The following ZFAT variants were observed in gnomAD, a reference collection of about 807,000 sequenced individuals.
The protein encoded by ZFAT is zinc finger protein ZFAT.
In ZFAT, 64 loss-of-function variants were observed where a neutral mutation model predicts 117.7. The ratio of observed to expected loss-of-function variants is 0.54; its 90% CI spans 0.44 to 0.67. ZFAT has a LOEUF of 0.67. ZFAT is among the 30% of genes least tolerant of loss of function. The probability of loss-of-function intolerance (pLI) is 0.00; values close to 1 mark genes in which losing one functional copy is unlikely to be tolerated. For synonymous variants in ZFAT, 679 were observed against 615.0 expected (o/e 1.10, Z -1.54); for missense variants, 1,433 against 1,584.5 (o/e 0.90, Z 1.62).
chr8:134,479,344 C>T (rs946072758), intron 15 of ZFAT, among the ~76,000 whole-genome samples: 1 of 152,174 alleles, frequency 6.6e-6, no homozygotes, highest in Non-Finnish European at 1.5e-5. Context: ...CAGGGCTGGA[C>T]AGGAGAGCCT....
At chr8:134,662,898 G>T (rs904269240) in intron 1 of ZFAT, among the ~76,000 whole-genome samples, 32 of 152,246 alleles carry the variant, frequency 2.1e-4, no homozygotes, top group Non-Finnish European at 3.2e-4. Context: ...ACAGAGGACG[G>T]CTCAGAGGTT....
intron 13 of ZFAT, among the ~76,000 whole-genome samples, chr8:134,516,395 A>G (rs894071082): frequency 3.3e-5 from 5 of 152,256 alleles, no homozygotes; most frequent in Non-Finnish European, 5.9e-5. Flanking sequence ...TGCTAAACCC[A>G]TGACATCATT....
At chr8:134,486,480 AT>A (rs895456357) in intron 15 of ZFAT, among the ~76,000 whole-genome samples, 38 of 152,174 alleles carry the variant, frequency 2.5e-4, no homozygotes, top group African/African-American at 8.9e-4. Flanking sequence ...GTTCCTATTT[AT>A]TAAACCATGT....
intron 11 of ZFAT, among the ~76,000 whole-genome samples, chr8:134,549,711 C>T (rs1226140616): frequency 6.6e-6 from 1 of 152,188 alleles, no homozygotes; most frequent in African/African-American, 2.4e-5. Flanking sequence ...TCCTAAAGAA[C>T]ATTTGCACCT....
At chr8:134,650,275 G>A (rs565659904) in intron 2 of ZFAT, among the ~76,000 whole-genome samples, 3 of 151,446 alleles carry the variant, frequency 2.0e-5, no homozygotes, top group South Asian at 2.1e-4. Context: ...ACAGGCCCAC[G>A]TGCCACCACA....
At chr8:134,479,095 G>A (rs1817108251) in intron 15 of ZFAT, among the ~76,000 whole-genome samples, 1 of 152,154 alleles carries the variant, frequency 6.6e-6, no homozygotes, top group Non-Finnish European at 1.5e-5. Flanking sequence ...TCAGTGGTAG[G>A]GGTTGGCGGT....
chr8:134,747,411 T>G, the ZFAT span, among the ~76,000 whole-genome samples: 6 of 152,242 alleles, frequency 3.9e-5, no homozygotes, highest in Non-Finnish European at 8.8e-5. Context: ...TTAGAGTGTT[T>G]GAAAACCTTG....
intron 3 of ZFAT, among the ~76,000 whole-genome samples, chr8:134,620,376 G>A (rs935010999): frequency 3.9e-5 from 6 of 152,150 alleles, no homozygotes; most frequent in Non-Finnish European, 5.9e-5. Context: ...ACTCCAGCCC[G>A]AGAAGGCACG....
At chr8:134,799,047 AAAACAT>A in the ZFAT span, among the ~76,000 whole-genome samples, 542 of 152,298 alleles carry the variant, frequency 3.6e-3, 5 homozygotes, top group African/African-American at 0.012. Flanking sequence ...GGAGCTCACT[AAAACAT>A]AGTATGCTAT....
Position 134,532,423 on chromosome 8 carries a change from G to C in ZFAT, c.3115+411C>G, listed in dbSNP as rs189399731. Reference sequence around the variant, plus strand: ...TAACATTGAATTACAAAAAGCCCTTGGAAATCATAATTAGGAAGACAGTAT... The same window carrying C: ...TAACATTGAATTACAAAAAGCCCTTCGAAATCATAATTAGGAAGACAGTAT... On this transcript the variant is annotated intron_variant, in intron 12 of 15. Transcript: ENST00000377838. Among the ~76,000 whole-genome samples the C allele has an allele frequency of 9.0e-4, 137 of 152,226 alleles. 1 individual carries two copies. The highest frequency in any genetic ancestry group is 2.2e-4 in the Non-Finnish European group (15 of 68,012).
chr8:134,582,130 G>A (rs1204344990), intron 10 of ZFAT, among the ~76,000 whole-genome samples: 1 of 152,226 alleles, frequency 6.6e-6, no homozygotes, highest in East Asian at 1.9e-4. Flanking sequence ...GAAGAACTCA[G>A]AGAATCATGA....
the ZFAT span, chr8:134,784,643 AAAAG>A: frequency 3.3e-5 from 5 of 152,240 alleles, no homozygotes; most frequent in South Asian, 4.1e-4. Context: ...ATTTCATATA[AAAAG>A]AAAGGACCTT....
chr8:134,780,499 A>G, the ZFAT span, among the ~76,000 whole-genome samples: 1 of 152,218 alleles, frequency 6.6e-6, no homozygotes, highest in South Asian at 2.1e-4. Context: ...TGTCTCCTAC[A>G]ATAATTGTGT....
intron 1 of ZFAT, among the ~76,000 whole-genome samples, chr8:134,701,022 T>C (rs1466040107): frequency 1.3e-5 from 2 of 152,220 alleles, no homozygotes; most frequent in African/African-American, 4.8e-5. Context: ...TTATGGTAAA[T>C]ACACATAAAA....
rs1820606775 is a variant in ZFAT at position 134,520,897 on chromosome 8, C to G, written c.3220G>C (p.Asp1074His). ...AAAAAAATTACCTCCCACTTGGGGT[C>G]TCCATCAATTTCCACCACCTTCAAG... ...HGLKVVEIDGDPKWETATEAP... is the reference protein window; with the variant it reads ...HGLKVVEIDGHPKWETATEAP... The change falls in exon 13 of 16, where the codon GAC (aspartate) becomes CAC (histidine). Residue 1074 changes from aspartate to histidine, a missense_variant. This residue lies in a region of ZFAT where 503 missense variants were observed against 543.4 expected (regional missense o/e 0.93). Coordinates refer to ENST00000377838, the MANE Select transcript of ZFAT (RefSeq NM_020863.4). 1.2e-6 allele frequency: 2 copies of G among 1,613,718 alleles called. No individual in the cohort carries two copies. The highest frequency in any genetic ancestry group is 1.7e-6 in the Non-Finnish European group (2 of 1,179,722).
chr8:134,556,111 A>C (rs75480356), intron 11 of ZFAT, among the ~76,000 whole-genome samples: 1,820 of 151,936 alleles, frequency 0.012, 34 homozygotes, highest in African/African-American at 0.042. Flanking sequence ...GGAAAAGAAA[A>C]AGAAAAAGAA....
chr8:134,504,858 C>G (rs1231064954), intron 15 of ZFAT, among the ~76,000 whole-genome samples: 1 of 152,138 alleles, frequency 6.6e-6, no homozygotes, highest in Non-Finnish European at 1.5e-5. Flanking sequence ...CCTCCAGTCA[C>G]CCAGCTGGCG....
At chr8:134,786,395 T>C in the ZFAT span, among the ~76,000 whole-genome samples, 1 of 152,216 alleles carries the variant, frequency 6.6e-6, no homozygotes, top group African/African-American at 2.4e-5. Context: ...TGGTAAGCTA[T>C]CATTTATCGT....
chr8:134,649,165 T>TCTCTCACACA (rs1554614264), intron 2 of ZFAT, among the ~76,000 whole-genome samples: 17 of 77,058 alleles, frequency 2.2e-4, no homozygotes, highest in African/African-American at 6.4e-4. Flanking sequence ...CATCTATCTC[T>TCTCTCACACA]CACACACACA....
Sources: allele counts gnomAD v4.1 joint callset (sites outside exome capture counted in the v4.1 genomes callset), GRCh38; gene constraint gnomAD v4.1.1; regional missense constraint gnomAD v4.1.1; transcripts MANE v1.5; gene names NCBI Gene and HGNC (gene_info 2026-07-23, HGNC 2026-07-21).